PLSCR2: variants seen among roughly 807,000 people sequenced by gnomAD.
PLSCR2 encodes the protein phospholipid scramblase 2.
A neutral mutation model predicts 25.3 loss-of-function variants in PLSCR2; 18 were observed. That is an observed-to-expected ratio of 0.71 (90% CI 0.49 to 1.06). PLSCR2 has a LOEUF of 1.06. Ranked by LOEUF, PLSCR2 falls within the 50% of genes least tolerant of loss-of-function variation. The probability of loss-of-function intolerance (pLI) is 0.00; values close to 1 mark genes in which losing one functional copy is unlikely to be tolerated. For synonymous variants in PLSCR2, 88 were observed against 87.3 expected (o/e 1.01, Z -0.04); for missense variants, 243 against 269.5 (o/e 0.90, Z 0.69).
At chr3:146,476,374 T>C (rs928591717) in intron 1 of PLSCR2, among the ~76,000 whole-genome samples, 2 of 152,224 alleles carry the variant, frequency 1.3e-5, no homozygotes, top group Non-Finnish European at 2.9e-5. Context: ...GCTTTTTCCA[T>C]GGATCTGTGC....
In PLSCR2 at chr3:146,425,396, A is replaced by G. The variant is rs140271556; in HGVS notation, c.101-29475T>C. ...CAAAAAAGGTACCAGGACTTAAACCATGAAAGGACATATTAACTCTGGTAC... is the reference window on the plus strand; with the variant it reads ...CAAAAAAGGTACCAGGACTTAAACCGTGAAAGGACATATTAACTCTGGTAC... On this transcript the variant is annotated intron_variant and NMD_transcript_variant, in intron 2 of 3. Transcript: ENST00000463633. 5.7e-3 allele frequency among the ~76,000 whole-genome samples: 867 copies of G among 152,286 alleles called. 9 individuals are homozygous for G. Among genetic ancestry groups the G allele is most frequent in the Non-Finnish European group, 4.9e-3 (332 of 68,010 alleles).
At chr3:146,393,945 T>C (rs932454461) in intron 3 of PLSCR2, among the ~76,000 whole-genome samples, 2 of 152,120 alleles carry the variant, frequency 1.3e-5, no homozygotes, top group Non-Finnish European at 2.9e-5. Context: ...TTCCGCATTT[T>C]GATGATGGGT....
chr3:146,410,801 G>A (rs1438845768), intron 2 of PLSCR2, among the ~76,000 whole-genome samples: 1 of 152,182 alleles, frequency 6.6e-6, no homozygotes, highest in East Asian at 1.9e-4. Context: ...AGACAGACAA[G>A]GGGAAGGGGT....
intron 2 of PLSCR2, among the ~76,000 whole-genome samples, chr3:146,426,505 T>A (rs891666666): frequency 6.6e-6 from 1 of 152,126 alleles, no homozygotes; most frequent in Non-Finnish European, 1.5e-5. Flanking sequence ...CTACCCATGA[T>A]CCCCAAATTA....
intron 1 of PLSCR2, among the ~76,000 whole-genome samples, chr3:146,481,288 A>G (rs558508795): frequency 2.6e-5 from 4 of 152,330 alleles, no homozygotes; most frequent in Admixed American, 1.3e-4. Context: ...ATAGGAAGTC[A>G]AATTATCCCT....
chr3:146,401,254 G>A (rs1453277856), intron 2 of PLSCR2: 1 of 152,172 alleles, frequency 6.6e-6, no homozygotes, highest in Non-Finnish European at 1.5e-5. Context: ...TCTCTCTGAC[G>A]TTTTCCATTC....
chr3:146,440,260 T>A (rs756854819), downstream of PLSCR2, among the ~76,000 whole-genome samples: 18 of 152,154 alleles, frequency 1.2e-4, no homozygotes, highest in Non-Finnish European at 2.2e-4. Context: ...CATTCTCAGA[T>A]CTCAAACTCT....
chr3:146,405,434 A>G (rs1253510727), intron 2 of PLSCR2, among the ~76,000 whole-genome samples: 2 of 152,202 alleles, frequency 1.3e-5, no homozygotes, highest in Admixed American at 6.5e-5. Context: ...CCAGTGAAAG[A>G]GCCAAGACGG....
intron 1 of PLSCR2, among the ~76,000 whole-genome samples, chr3:146,480,165 C>T (rs539259375): frequency 6.6e-6 from 1 of 152,174 alleles, no homozygotes; most frequent in South Asian, 2.1e-4. Flanking sequence ...GCTAACATCA[C>T]AATTAAAAGA....
intron 2 of PLSCR2, among the ~76,000 whole-genome samples, chr3:146,411,935 TGCCA>T (rs1303463594): frequency 6.6e-6 from 1 of 152,172 alleles, no homozygotes; most frequent in African/African-American, 2.4e-5. Context: ...GGATACAGCT[TGCCA>T]CAGTGTCTTA....
intron 2 of PLSCR2, among the ~76,000 whole-genome samples, chr3:146,417,441 G>A (rs180719725): frequency 3.4e-4 from 51 of 152,118 alleles, no homozygotes; most frequent in African/African-American, 1.2e-3. Context: ...AAAAACAAGA[G>A]TAAATTTTAA....
downstream of PLSCR2, among the ~76,000 whole-genome samples, chr3:146,439,900 G>T (rs2040128147): frequency 6.6e-6 from 1 of 152,142 alleles, no homozygotes; most frequent in African/African-American, 2.4e-5. Flanking sequence ...TCCCGTCTTT[G>T]TGGTTTTATC....
At chr3:146,433,093 T>G (rs947893696), downstream of PLSCR2, among the ~76,000 whole-genome samples, 1 of 152,164 alleles carries the variant, frequency 6.6e-6, no homozygotes, top group South Asian at 2.1e-4. Context: ...CAAAACCTAT[T>G]TTTTAATTTA....
At position 146,495,889 on chromosome 3, in the gene PLSCR2, G is replaced by A. The variant is rs757776698; in HGVS notation, c.-293+6C>T. The A allele has an allele frequency of 3.3e-6, 5 of 1,534,140 alleles. No individual in the cohort carries two copies. The South Asian group carries it at 6.0e-5, about 18-fold the overall frequency. Reference sequence around the variant, plus strand: ...TAGTCTCTGGAAACTACATGTCATTGGCTACCTGGGAGGTGAATTTGAAAA... The same window carrying A: ...TAGTCTCTGGAAACTACATGTCATTAGCTACCTGGGAGGTGAATTTGAAAA... On this transcript the variant is annotated splice_donor_region_variant and intron_variant, in intron 1 of 8. Coordinates refer to the PLSCR2 transcript ENST00000336685.
chr3:146,432,184 A>G (rs993278550), downstream of PLSCR2, among the ~76,000 whole-genome samples: 6 of 152,150 alleles, frequency 3.9e-5, no homozygotes, highest in Admixed American at 6.5e-5. Flanking sequence ...ACCGTGTCCA[A>G]TTTTATTCAG....
chr3:146,473,368 G>A (rs1363008640), intron 1 of PLSCR2, among the ~76,000 whole-genome samples: 2 of 142,900 alleles, frequency 1.4e-5, no homozygotes, highest in Non-Finnish European at 3.0e-5. Flanking sequence ...GCAATGGCAC[G>A]ATCTCAGCTC....
chr3:146,416,193 G>T (rs566160337), intron 2 of PLSCR2, among the ~76,000 whole-genome samples: 10 of 151,782 alleles, frequency 6.6e-5, no homozygotes, highest in Middle Eastern at 3.4e-3. Context: ...CTCATGATCC[G>T]CCCGCCTCAG....
exon 5 of PLSCR2, chr3:146,454,103 A>G (rs1339338032): frequency 1.2e-6 from 2 of 1,609,016 alleles, no homozygotes; most frequent in Admixed American, 1.7e-5. Flanking sequence ...TTTGTTAGAC[A>G]TGGGTGCCAG....
chr3:146,458,534 C>T lies in PLSCR2; in HGVS notation c.58-81G>A. ...TTACTATTCATGTTTTTATTTAATA[C>T]TGCATATAATCAGTTATCGACATTT... On this transcript the variant is annotated intron_variant, in intron 2 of 6. Coordinates refer to ENST00000610787, the Ensembl canonical transcript of PLSCR2. 3.0e-6 allele frequency: 3 copies of T among 995,314 alleles called. No individual in the cohort carries two copies. The South Asian group carries it at 6.6e-5, about 22-fold the overall frequency. 61.7% of individuals were successfully genotyped at this position (995,314 alleles called of 1,614,324 possible). A position where few individuals can be genotyped will look rare whatever the true frequency, so the allele number is the denominator to read the frequency against.
Sources: allele counts gnomAD v4.1 joint callset (sites outside exome capture counted in the v4.1 genomes callset), GRCh38; gene constraint gnomAD v4.1.1; transcripts MANE v1.5; gene names NCBI Gene and HGNC (gene_info 2026-07-23, HGNC 2026-07-21).